The following CYB5B variants were observed in gnomAD, a reference collection of about 807,000 sequenced individuals.
The protein encoded by CYB5B is cytochrome b5 type B.
Under a neutral mutation model 21.3 loss-of-function variants are expected in CYB5B, and 14 were observed. That is an observed-to-expected ratio of 0.66 (90% CI 0.43 to 1.03). The LOEUF is 1.03. Among genes scored for constraint, CYB5B ranks in the 50% least tolerant of loss-of-function variants. CYB5B has a pLI of 0.00. For missense variants in CYB5B, 166 were observed against 185.1 expected, an observed-to-expected ratio of 0.90 and a Z score of 0.60; for synonymous variants, 69 against 68.4, an observed-to-expected ratio of 1.01 and a Z score of -0.04.
intron 1 of CYB5B, among the ~76,000 whole-genome samples, chr16:69,442,929 G>A (rs928476939): frequency 1.3e-5 from 2 of 150,142 alleles, no homozygotes; most frequent in Non-Finnish European, 3.0e-5. Context: ...TTACTACTTG[G>A]TCTTCAAAAA....
intron 1 of CYB5B, among the ~76,000 whole-genome samples, chr16:69,442,569 C>G (rs185081173): frequency 1.4e-4 from 21 of 152,014 alleles, no homozygotes; most frequent in African/African-American, 4.8e-4. Context: ...TCTCCGTTGC[C>G]CAGGCTGCAG....
intron 3 of CYB5B, among the ~76,000 whole-genome samples, chr16:69,452,366 C>G (rs2014943736): frequency 6.7e-6 from 1 of 150,304 alleles, no homozygotes; most frequent in Non-Finnish European, 1.5e-5. Flanking sequence ...TATTCTTCAC[C>G]TTGCTTCTCT....
At chr16:69,457,412 G>C (rs1206580837) in intron 3 of CYB5B, among the ~76,000 whole-genome samples, 2 of 152,096 alleles carry the variant, frequency 1.3e-5, no homozygotes, top group African/African-American at 4.8e-5. Flanking sequence ...TTTAAAAATA[G>C]TAACTACATT....
At chr16:69,455,123 T>C (rs2014970716) in intron 3 of CYB5B, among the ~76,000 whole-genome samples, 1 of 152,158 alleles carries the variant, frequency 6.6e-6, no homozygotes, top group South Asian at 2.1e-4. Flanking sequence ...CTCGAGCTCC[T>C]GACCTCATGA....
At position 69,464,528 on chromosome 16, in the gene CYB5B, A is replaced by C. The variant is rs748095531; in HGVS notation, c.*2008A>C. ...ACATTGGGGTAAAAGTAAAGAACAGAGGAGTATTGAGGAGCTTGAAAGGGA... is the reference window on the plus strand; with the variant it reads ...ACATTGGGGTAAAAGTAAAGAACAGCGGAGTATTGAGGAGCTTGAAAGGGA... On this transcript the variant is annotated 3_prime_UTR_variant, in exon 5 of 5. Coordinates refer to ENST00000307892, the MANE Select transcript of CYB5B (RefSeq NM_030579.3). 3.9e-5 allele frequency: 6 copies of C among 152,234 alleles called. No individual in the cohort carries two copies. Among genetic ancestry groups the C allele is most frequent in the Non-Finnish European group, 7.3e-5 (5 of 68,038 alleles). The allele number at this position is 152,234 out of a possible 1,614,324, so 9.4% of individuals were successfully genotyped here. A position where few individuals can be genotyped will look rare whatever the true frequency, so the allele number is the denominator to read the frequency against.
intron 1 of CYB5B, among the ~76,000 whole-genome samples, chr16:69,437,329 TG>T (rs1356322121): frequency 6.6e-6 from 1 of 152,182 alleles, no homozygotes; most frequent in African/African-American, 2.4e-5. Flanking sequence ...GTTGGAAGAA[TG>T]TTTTTTTGCA....
At chr16:69,448,659 A>T (rs1271985296) in intron 3 of CYB5B, 1 of 154,726 alleles carries the variant, frequency 6.5e-6, no homozygotes, top group Non-Finnish European at 1.4e-5. Flanking sequence ...GCGAAAACAA[A>T]AGACTAAGTA....
At chr16:69,457,727 A>G (rs1189951653) in intron 3 of CYB5B, among the ~76,000 whole-genome samples, 1 of 152,172 alleles carries the variant, frequency 6.6e-6, no homozygotes, top group Non-Finnish European at 1.5e-5. Flanking sequence ...AGAAGTATAG[A>G]AGTATGTTAA....
chr16:69,426,830 C>CCCTTGATTTCTCTTGTCTGCATAG (rs2014652764), intron 1 of CYB5B, among the ~76,000 whole-genome samples: 3 of 151,722 alleles, frequency 2.0e-5, no homozygotes, highest in Non-Finnish European at 1.5e-5. Context: ...TTTGACAGAT[C>CCCTTGATTTCTCTTGTCTGCATAG]CCTTGATTTC....
intron 4 of CYB5B, chr16:69,459,437 G>A (rs968590829): frequency 3.9e-6 from 1 of 253,942 alleles, no homozygotes; most frequent in Non-Finnish European, 7.4e-6. Flanking sequence ...CTTTAGTCCC[G>A]AAGTTCAACC....
chr16:69,425,382 ACCT>A (rs899744334), intron 1 of CYB5B, among the ~76,000 whole-genome samples: 1 of 151,088 alleles, frequency 6.6e-6, no homozygotes. Flanking sequence ...ATCTGAGTTG[ACCT>A]TGAGGCCAGA....
chr16:69,453,182 T>C (rs969550596), intron 3 of CYB5B, among the ~76,000 whole-genome samples: 3 of 152,186 alleles, frequency 2.0e-5, no homozygotes, highest in Non-Finnish European at 4.4e-5. Context: ...GCTTGACTTA[T>C]GAAATCTAGT....
At chr16:69,455,351 C>T (rs1039562480) in intron 3 of CYB5B, among the ~76,000 whole-genome samples, 1 of 151,982 alleles carries the variant, frequency 6.6e-6, no homozygotes, top group Non-Finnish European at 1.5e-5. Flanking sequence ...CCATTGACCC[C>T]CACATCCTTT....
chr16:69,441,120 G>C lies in CYB5B; in HGVS notation c.175-6030G>C, dbSNP rs1189643984. On this transcript the variant is annotated intron_variant, in intron 1 of 4. Coordinates refer to ENST00000307892, the MANE Select transcript of CYB5B (RefSeq NM_030579.3). ...GGATATTGACATTAATCAGTCCACA[G>C]ATATTATTCTGATTTCCCAGTTTTA... 3.3e-5 allele frequency among the ~76,000 whole-genome samples: 5 copies of C among 150,256 alleles called. No homozygotes were observed. In the South Asian group the frequency reaches 1.0e-3, roughly 31 times the overall value.
At chr16:69,445,976 T>C (rs984861519) in intron 1 of CYB5B, among the ~76,000 whole-genome samples, 1 of 152,100 alleles carries the variant, frequency 6.6e-6, no homozygotes, top group Non-Finnish European at 1.5e-5. Context: ...AAATTTTTTT[T>C]CAGAAGAGTA....
chr16:69,447,323 T>C, intron 2 of CYB5B, 45 bp downstream of exon 2: 2 of 1,598,870 alleles, frequency 1.3e-6, no homozygotes, highest in Non-Finnish European at 8.5e-7. Context: ...AGAAAACTAC[T>C]TAACAGCTGC....
At chr16:69,437,648 G>A (rs2014774992) in intron 1 of CYB5B, among the ~76,000 whole-genome samples, 1 of 152,078 alleles carries the variant, frequency 6.6e-6, no homozygotes, top group Admixed American at 6.6e-5. Flanking sequence ...ACCATTTTTA[G>A]TTGTATAATT....
At position 69,459,157 on chromosome 16, in the gene CYB5B, G is replaced by A. The variant is rs373810849; in HGVS notation, c.362+36G>A. 1,698 of 1,590,128 alleles carry A rather than the reference G, an allele frequency of 1.1e-3. 2 individuals are homozygous for A. Among genetic ancestry groups the A allele is most frequent in the Non-Finnish European group, 1.4e-3 (1,611 of 1,172,476 alleles). ...CCTTAACAGCTTTCCATACGTTCAAGGTAATGTCTGGCAAGAGACTCTTCC... is the reference window on the plus strand; with the variant it reads ...CCTTAACAGCTTTCCATACGTTCAAAGTAATGTCTGGCAAGAGACTCTTCC... On this transcript the variant is annotated intron_variant, in intron 4 of 4. Coordinates refer to ENST00000307892, the MANE Select transcript of CYB5B (RefSeq NM_030579.3).
chr16:69,428,923 T>C (rs1468879578), intron 1 of CYB5B, among the ~76,000 whole-genome samples: 1 of 152,174 alleles, frequency 6.6e-6, no homozygotes, highest in African/African-American at 2.4e-5. Context: ...GCCACAGTGG[T>C]TGAATAGTTG....
Sources: allele counts gnomAD v4.1 joint callset (sites outside exome capture counted in the v4.1 genomes callset), GRCh38; gene constraint gnomAD v4.1.1; transcripts MANE v1.5; gene names NCBI Gene and HGNC (gene_info 2026-07-23, HGNC 2026-07-21).